Variants in ZNF385D observed in about 807,000 individuals in gnomAD.
ZNF385D encodes zinc finger protein 385D.
A neutral mutation model predicts 35.8 loss-of-function variants in ZNF385D; 15 were observed. That is an observed-to-expected ratio of 0.42 (90% CI 0.28 to 0.64). The LOEUF (loss-of-function observed/expected upper bound fraction) is 0.64, where lower values mean the gene tolerates loss of function less well. Ranked by LOEUF, ZNF385D falls within the 30% of genes least tolerant of loss-of-function variation. The pLI, the probability that ZNF385D is intolerant of heterozygous loss-of-function variation, is 0.23. For synonymous variants in ZNF385D, 212 were observed against 186.8 expected (o/e 1.13, Z -1.10); for missense variants, 474 against 494.6 (o/e 0.96, Z 0.39).
At chr3:21,956,736 T>C (rs1405501870) in intron 3 of ZNF385D, among the ~76,000 whole-genome samples, 1 of 151,820 alleles carries the variant, frequency 6.6e-6, no homozygotes, top group Non-Finnish European at 1.5e-5. Flanking sequence ...AAAATAATCA[T>C]GTAATAAGCC....
At chr3:21,837,867 T>C (rs1244672155) in intron 3 of ZNF385D, among the ~76,000 whole-genome samples, 1 of 26,450 alleles carries the variant, frequency 3.8e-5, no homozygotes, top group African/African-American at 2.9e-4. Flanking sequence ...TGAGACTCCA[T>C]CTCAAAAAAA....
At chr3:21,958,379 C>T (rs958991396) in intron 3 of ZNF385D, among the ~76,000 whole-genome samples, 2 of 152,042 alleles carry the variant, frequency 1.3e-5, no homozygotes, top group Non-Finnish European at 2.9e-5. Context: ...AAGTTTCATA[C>T]CTCAAAATCC....
At chr3:22,171,488 A>C (rs1041360784) in intron 2 of ZNF385D, among the ~76,000 whole-genome samples, 2 of 152,222 alleles carry the variant, frequency 1.3e-5, no homozygotes, top group East Asian at 1.9e-4. Context: ...AGTTGCAAAA[A>C]TGACAACTTT....
intron 3 of ZNF385D, among the ~76,000 whole-genome samples, chr3:22,146,964 A>G (rs190544668): frequency 2.0e-5 from 3 of 152,334 alleles, no homozygotes; most frequent in East Asian, 1.9e-4. Context: ...AAAACAGAAA[A>G]TAACAGTAAG....
At chr3:22,236,842 G>C (rs558584897) in intron 2 of ZNF385D, among the ~76,000 whole-genome samples, 1 of 152,128 alleles carries the variant, frequency 6.6e-6, no homozygotes, top group African/African-American at 2.4e-5. Flanking sequence ...TGGACTTAGT[G>C]AATGTAGCAT....
At chr3:21,815,560 A>G (rs935514359) in intron 3 of ZNF385D, among the ~76,000 whole-genome samples, 1 of 152,224 alleles carries the variant, frequency 6.6e-6, no homozygotes, top group Non-Finnish European at 1.5e-5. Context: ...ACCTCTCCAC[A>G]AATAAACTAG....
At chr3:21,897,919 GTTAT>G (rs1443424070) in intron 3 of ZNF385D, among the ~76,000 whole-genome samples, 1 of 152,048 alleles carries the variant, frequency 6.6e-6, no homozygotes, top group Non-Finnish European at 1.5e-5. Context: ...TATTTTTGTT[GTTAT>G]TTGTTAGTTT....
intron 3 of ZNF385D, among the ~76,000 whole-genome samples, chr3:21,524,356 C>T (rs540667644): frequency 1.3e-3 from 199 of 152,260 alleles, no homozygotes; most frequent in African/African-American, 4.5e-3. Context: ...AAACACAATC[C>T]TTCATCAGCT....
chr3:21,471,144 C>T (rs918368701), intron 4 of ZNF385D, among the ~76,000 whole-genome samples: 2 of 152,042 alleles, frequency 1.3e-5, no homozygotes, highest in South Asian at 2.1e-4. Flanking sequence ...TCATAGCCGG[C>T]GTTATGCCCA....
chr3:22,212,908 C>T (rs773521704), intron 2 of ZNF385D, among the ~76,000 whole-genome samples: 1 of 151,764 alleles, frequency 6.6e-6, no homozygotes, highest in African/African-American at 2.4e-5. Flanking sequence ...AAATTGATAA[C>T]CTTAACTAAG....
chr3:21,770,245 A>C (rs1193003517), intron 3 of ZNF385D, among the ~76,000 whole-genome samples: 2 of 152,160 alleles, frequency 1.3e-5, no homozygotes, highest in Non-Finnish European at 2.9e-5. Flanking sequence ...AATGGGATCT[A>C]ATTAAACTAA....
At chr3:21,904,103 G>A (rs140936332) in intron 3 of ZNF385D, among the ~76,000 whole-genome samples, 194 of 151,724 alleles carry the variant, frequency 1.3e-3, no homozygotes, top group African/African-American at 4.3e-3. Context: ...AGGAGCTTGA[G>A]ACCATCCTGG....
rs142728450 is a variant in ZNF385D, at chr3:21,528,331, G to A, written c.277-17308C>T. ...TCTCAGGGGCATATAAAAGAAATGC[G>A]TTTCTTCTTCTGTGACACACAGCCA... On this transcript the variant is annotated intron_variant, in intron 3 of 7. Coordinates refer to ENST00000281523, the MANE Select transcript of ZNF385D (RefSeq NM_024697.3). Among the ~76,000 whole-genome samples the A allele has an allele frequency of 1.4e-3, 210 of 152,196 alleles. 1 individual carries two copies. Among genetic ancestry groups the A allele is most frequent in the African/African-American group, 4.8e-3 (199 of 41,536 alleles).
intron 2 of ZNF385D, among the ~76,000 whole-genome samples, chr3:21,650,221 A>G (rs1236263934): frequency 6.6e-6 from 1 of 152,200 alleles, no homozygotes; most frequent in Non-Finnish European, 1.5e-5. Flanking sequence ...AAACTACAGA[A>G]TTGCATATTA....
chr3:22,372,603 T>C, exon 2 of ZNF385D: 1 of 854,084 alleles, frequency 1.2e-6, no homozygotes, highest in Non-Finnish European at 1.4e-6. Context: ...GACGCACGGC[T>C]GCCCGCCTGC....
intron 4 of ZNF385D, among the ~76,000 whole-genome samples, chr3:21,473,595 C>T (rs1704040802): frequency 6.6e-6 from 1 of 152,022 alleles, no homozygotes; most frequent in Non-Finnish European, 1.5e-5. Context: ...TCTACTGAAC[C>T]TGTAATCAGT....
At position 21,591,313 on chromosome 3, in the gene ZNF385D, A is replaced by G. The variant is rs76718578; in HGVS notation, c.166-26629T>C. The stretch of plus-strand genomic sequence containing the variant: ...CCTCAATAAACAAAATAATTTCACA[A>G]TATTATATTTTATGTAACCAAAAGG... On this transcript the variant is annotated intron_variant, in intron 2 of 7. Transcript: ENST00000281523. 1.8e-3 allele frequency among the ~76,000 whole-genome samples: 277 copies of G among 152,254 alleles called. 10 individuals carry two copies. The South Asian group carries it at 0.038, about 21-fold the overall frequency.
At chr3:22,335,889 AGT>A (rs1168066432) in intron 2 of ZNF385D, among the ~76,000 whole-genome samples, 1 of 152,142 alleles carries the variant, frequency 6.6e-6, no homozygotes, top group Non-Finnish European at 1.5e-5. Flanking sequence ...AAGAACACTA[AGT>A]ACATCTGGGT....
At chr3:21,576,797 GAAGA>G (rs1478587201) in intron 2 of ZNF385D, among the ~76,000 whole-genome samples, 1 of 152,102 alleles carries the variant, frequency 6.6e-6, no homozygotes, top group Non-Finnish European at 1.5e-5. Context: ...AAAAGAAAGG[GAAGA>G]AAGTGATTTT....
Sources: allele counts gnomAD v4.1 joint callset (sites outside exome capture counted in the v4.1 genomes callset), GRCh38; gene constraint gnomAD v4.1.1; transcripts MANE v1.5; gene names NCBI Gene and HGNC (gene_info 2026-07-23, HGNC 2026-07-21).